Variants in PDZRN3 observed in about 807,000 individuals in gnomAD.
PDZRN3 encodes PDZ domain containing ring finger 3.
In PDZRN3, 38 loss-of-function variants were observed where a neutral mutation model predicts 85.7. The observed-to-expected ratio is 0.44, with a 90% CI of 0.34 to 0.58. The LOEUF is 0.58. PDZRN3 is among the 20% of genes least tolerant of loss of function. The pLI is 0.01. For missense variants in PDZRN3, 1,629 were observed against 1,506.4 expected (o/e 1.08, Z -1.35); for synonymous variants, 759 against 638.0 (o/e 1.19, Z -2.86).
At chr3:73,588,119 T>C (rs1408839610) in intron 3 of PDZRN3, among the ~76,000 whole-genome samples, 1 of 152,190 alleles carries the variant, frequency 6.6e-6, no homozygotes, top group East Asian at 1.9e-4. Context: ...TGGTGTGTGC[T>C]GTTCCTCTCT....
At chr3:73,607,405 G>A (rs1453193879) in intron 2 of PDZRN3, among the ~76,000 whole-genome samples, 1 of 152,056 alleles carries the variant, frequency 6.6e-6, no homozygotes, top group Non-Finnish European at 1.5e-5. Context: ...CCCCTCCCCA[G>A]GACACCTCCT....
intron 3 of PDZRN3, among the ~76,000 whole-genome samples, chr3:73,547,875 G>T (rs536695504): frequency 6.6e-6 from 1 of 152,334 alleles, no homozygotes; most frequent in South Asian, 2.1e-4. Context: ...TAAGAAGAAT[G>T]AAGCGGGGGA....
chr3:73,624,582 A>G lies in PDZRN3; in HGVS notation c.244T>C (p.Cys82Arg). 6.4e-7 allele frequency: 1 copy of G among 1,551,012 alleles called. No individual in the cohort carries two copies. The highest frequency in any genetic ancestry group is 1.2e-5 in the South Asian group (1 of 83,810). ...CCGCAGCCGCGCGTCGCGTACGCGC[A>G]CTTGATGTCCAGCTTGAGGATAAGG... ...KRLILKLDIK[C>R]AYATRGCGRV... Residue 82 changes from cysteine to arginine, a missense_variant, in exon 1 of 10, where the codon TGC (cysteine) becomes CGC (arginine). By Grantham distance (180) the Cys-to-Arg change is radical. Coordinates refer to ENST00000263666, the MANE Select transcript of PDZRN3 (RefSeq NM_015009.3).
intron 3 of PDZRN3, among the ~76,000 whole-genome samples, chr3:73,507,824 T>C (rs1704094237): frequency 6.6e-6 from 1 of 152,122 alleles, no homozygotes. Context: ...CCGGGCGCAG[T>C]GGCTCACGCC....
intron 3 of PDZRN3, among the ~76,000 whole-genome samples, chr3:73,476,432 C>T (rs1354381146): frequency 1.3e-5 from 2 of 152,142 alleles, no homozygotes; most frequent in Non-Finnish European, 2.9e-5. Context: ...TGAGAAACCA[C>T]CCCCATGATC....
At chr3:73,527,211 G>A (rs1420515859) in intron 3 of PDZRN3, among the ~76,000 whole-genome samples, 1 of 152,150 alleles carries the variant, frequency 6.6e-6, no homozygotes, top group Non-Finnish European at 1.5e-5. Context: ...AGGATGAAAG[G>A]AGACAATATA....
chr3:73,486,282 G>C (rs1703659670), intron 3 of PDZRN3, among the ~76,000 whole-genome samples: 1 of 152,098 alleles, frequency 6.6e-6, no homozygotes, highest in African/African-American at 2.4e-5. Flanking sequence ...GCCTGTGTAA[G>C]AGCCCATGGA....
intron 2 of PDZRN3, among the ~76,000 whole-genome samples, chr3:73,604,491 T>A (rs1358379459): frequency 6.6e-6 from 1 of 152,166 alleles, no homozygotes; most frequent in Non-Finnish European, 1.5e-5. Context: ...GCGAAGCGGA[T>A]CCTCTTGCAC....
chr3:73,469,421 T>C (rs1406506936), intron 3 of PDZRN3, among the ~76,000 whole-genome samples: 4 of 152,152 alleles, frequency 2.6e-5, no homozygotes, highest in Admixed American at 2.6e-4. Context: ...TAGCCACCAG[T>C]GGAGGTTGCA....
At chr3:73,411,952 G>A (rs1363930406) in intron 3 of PDZRN3, among the ~76,000 whole-genome samples, 1 of 152,196 alleles carries the variant, frequency 6.6e-6, no homozygotes, top group Admixed American at 6.5e-5. Flanking sequence ...CACAAGGGAA[G>A]TACAGCTACT....
At chr3:73,548,798 C>T (rs369872738) in intron 3 of PDZRN3, among the ~76,000 whole-genome samples, 4 of 151,946 alleles carry the variant, frequency 2.6e-5, no homozygotes, top group African/African-American at 7.3e-5. Context: ...AATAGATTGT[C>T]GCCAAAGAAA....
At chr3:73,540,000 C>T (rs1413751982) in intron 3 of PDZRN3, among the ~76,000 whole-genome samples, 1 of 144,812 alleles carries the variant, frequency 6.9e-6, no homozygotes, top group East Asian at 2.1e-4. Flanking sequence ...CAGGATAATA[C>T]TTCCTGTGAC....
intron 3 of PDZRN3, among the ~76,000 whole-genome samples, chr3:73,423,996 T>C (rs1189829067): frequency 6.6e-6 from 1 of 152,124 alleles, no homozygotes; most frequent in East Asian, 1.9e-4. Context: ...CTATAAGATA[T>C]ACCAGAAAAT....
At chr3:73,429,937 G>A (rs976037523) in intron 3 of PDZRN3, among the ~76,000 whole-genome samples, 6 of 152,150 alleles carry the variant, frequency 3.9e-5, no homozygotes, top group African/African-American at 1.2e-4. Context: ...CGTAGCACCT[G>A]GGCCTGTCTG....
rs183624129 is a variant in PDZRN3 at position 73,404,035 on chromosome 3, C to A, written c.1166+113G>T. 2.8e-4 allele frequency: 293 copies of A among 1,031,090 alleles called. 2 individuals are homozygous for A. In the African/African-American group the frequency reaches 4.4e-3, roughly 15 times the overall value. 63.9% of individuals were successfully genotyped at this position (1,031,090 alleles called of 1,614,324 possible). A position where few individuals can be genotyped will look rare whatever the true frequency, so the allele number is the denominator to read the frequency against. On this transcript the variant is annotated intron_variant, in intron 4 of 9. Transcript: ENST00000263666. Reference sequence around the variant, plus strand: ...TATAAACAATAAAGTTAAACATGGGCAACTTGGAGGAAAACTATAGGGTGC... The same window carrying A: ...TATAAACAATAAAGTTAAACATGGGAAACTTGGAGGAAAACTATAGGGTGC...
At chr3:73,484,835 G>T (rs1703634622) in intron 3 of PDZRN3, among the ~76,000 whole-genome samples, 1 of 152,156 alleles carries the variant, frequency 6.6e-6, no homozygotes. Context: ...CCCAGCAGAT[G>T]CGTTTGCATA....
chr3:73,487,244 A>AT (rs1445905089), intron 3 of PDZRN3, among the ~76,000 whole-genome samples: 2 of 152,114 alleles, frequency 1.3e-5, no homozygotes, highest in African/African-American at 4.8e-5. Flanking sequence ...TTCTAGAAAA[A>AT]TTTTTTTTAA....
intron 3 of PDZRN3, among the ~76,000 whole-genome samples, chr3:73,460,007 T>C (rs989872784): frequency 6.6e-6 from 1 of 152,216 alleles, no homozygotes; most frequent in Admixed American, 6.5e-5. Context: ...TTGTGGAAGA[T>C]GACAGAATCT....
chr3:73,504,319 T>C (rs1271062299), intron 3 of PDZRN3, among the ~76,000 whole-genome samples: 2 of 152,188 alleles, frequency 1.3e-5, no homozygotes, highest in Non-Finnish European at 2.9e-5. Context: ...ACATATTCTC[T>C]TGGACACATA....
Sources: gnomAD v4.1 joint callset for allele counts (sites outside exome capture counted in the v4.1 genomes callset) on GRCh38, gnomAD v4.1.1 for gene constraint, MANE v1.5 for transcripts, NCBI Gene and HGNC (gene_info 2026-07-23, HGNC 2026-07-21) for gene names.